CHODL: variants seen among roughly 807,000 people sequenced by gnomAD.
The protein encoded by CHODL is transmembrane protein MT75.
CHODL carries 29 observed loss-of-function variants against 34.5 expected under a neutral mutation model. The ratio of observed to expected loss-of-function variants is 0.84; its 90% CI spans 0.63 to 1.15. CHODL has a LOEUF of 1.15. CHODL is among the 50% of genes most tolerant of loss of function. The pLI is 0.00. For synonymous variants in CHODL, 125 were observed against 116.1 expected, an observed-to-expected ratio of 1.08 and a Z score of -0.49; for missense variants, 332 against 332.5, an observed-to-expected ratio of 1.00 and a Z score of 0.01.
intron 1 of CHODL, among the ~76,000 whole-genome samples, chr21:18,254,479 G>C (rs2074293121): frequency 6.6e-6 from 1 of 152,036 alleles, no homozygotes; most frequent in Non-Finnish European, 1.5e-5. Context: ...AGGGATCCTT[G>C]GCGGTTTTAA....
chr21:18,133,226 T>G (rs1305544317), intron 2 of CHODL, among the ~76,000 whole-genome samples: 2 of 152,188 alleles, frequency 1.3e-5, no homozygotes, highest in African/African-American at 4.8e-5. Flanking sequence ...TCTGGATTCC[T>G]CTGTATTGGT....
chr21:18,263,012 A>C, intron 5 of CHODL, 119 bp downstream of exon 5: 2 of 611,564 alleles, frequency 3.3e-6, no homozygotes, highest in Non-Finnish European at 5.7e-6. Context: ...AATCCTATAC[A>C]TACAATCTAA....
chr21:18,240,717 T>C (rs2074073592), upstream of CHODL, among the ~76,000 whole-genome samples: 1 of 152,188 alleles, frequency 6.6e-6, no homozygotes. Context: ...TTCATTACTT[T>C]AAATTAATAA....
intron 2 of CHODL, among the ~76,000 whole-genome samples, chr21:18,032,235 G>A (rs1300501554): frequency 6.6e-6 from 1 of 151,956 alleles, no homozygotes; most frequent in Non-Finnish European, 1.5e-5. Flanking sequence ...CCAGAAAAAT[G>A]ATAAGTGTAT....
intron 2 of CHODL, among the ~76,000 whole-genome samples, chr21:18,050,483 C>T (rs1450283510): frequency 6.6e-6 from 1 of 151,958 alleles, no homozygotes; most frequent in Non-Finnish European, 1.5e-5. Flanking sequence ...GGCTGTAGTG[C>T]AGGGCAGTAG....
At chr21:17,977,799 T>G (rs202414) in intron 1 of CHODL, among the ~76,000 whole-genome samples, 148,504 of 148,508 alleles carry the variant, frequency 1, 74,250 homozygotes, top group Middle Eastern at 1. Flanking sequence ...GGCACCTGTA[T>G]TCCCAGCTAC....
At chr21:18,083,499 G>A (rs1316376788) in intron 2 of CHODL, among the ~76,000 whole-genome samples, 1 of 152,142 alleles carries the variant, frequency 6.6e-6, no homozygotes, top group Non-Finnish European at 1.5e-5. Context: ...CCAACAGCTT[G>A]CACCATGGGC....
rs911914500 is a variant in CHODL, at chr21:17,985,988, G to T, written c.-144-41884G>T. ...AGCACAAGCCCTCCCACTCATGAGG[G>T]TTCTACCTTCATGACCTAATTATCT... is the stretch of plus-strand genomic sequence containing the variant. On this transcript the variant is annotated intron_variant, in intron 1 of 6. Transcript: ENST00000400127. 3.9e-5 allele frequency among the ~76,000 whole-genome samples: 6 copies of T among 152,100 alleles called. 1 individual carries two copies. The highest frequency in any genetic ancestry group is 1.3e-4 in the Admixed American group (2 of 15,274).
intron 2 of CHODL, among the ~76,000 whole-genome samples, chr21:18,148,044 G>A (rs140077676): frequency 1.3e-5 from 2 of 152,272 alleles, no homozygotes; most frequent in African/African-American, 2.4e-5. Flanking sequence ...CATAAGGAAA[G>A]CAGGTCTTTA....
chr21:17,952,831 C>T (rs543659472), intron 1 of CHODL, among the ~76,000 whole-genome samples: 111 of 152,170 alleles, frequency 7.3e-4, no homozygotes, highest in Admixed American at 1.9e-3. Context: ...CTCTCAGTCC[C>T]GCATGGCTGG....
At chr21:18,172,321 G>A (rs755726332) in intron 2 of CHODL, among the ~76,000 whole-genome samples, 16 of 152,182 alleles carry the variant, frequency 1.1e-4, no homozygotes, top group Non-Finnish European at 1.9e-4. Context: ...CAAGTCCTGT[G>A]AGTGGAGGTT....
At chr21:18,069,417 A>G (rs2064769500) in intron 2 of CHODL, among the ~76,000 whole-genome samples, 1 of 152,128 alleles carries the variant, frequency 6.6e-6, no homozygotes, top group African/African-American at 2.4e-5. Context: ...AGCTTTTAAA[A>G]ATAATTTTCC....
chr21:18,099,099 A>G (rs894253471), intron 2 of CHODL, among the ~76,000 whole-genome samples: 1 of 151,998 alleles, frequency 6.6e-6, no homozygotes, highest in African/African-American at 2.4e-5. Flanking sequence ...GGGTGGAAGG[A>G]CTGTAGGGGT....
intron 2 of CHODL, among the ~76,000 whole-genome samples, chr21:18,174,373 T>A (rs1027860028): frequency 3.3e-5 from 5 of 151,846 alleles, no homozygotes; most frequent in African/African-American, 7.2e-5. Context: ...ATTCGATATC[T>A]ACTAGTTTTC....
At position 18,266,169 on chromosome 21, in the gene CHODL, A is replaced by AAAT. The variant is rs2074459642; in HGVS notation, c.*133_*135dup. On this transcript the variant is annotated 3_prime_UTR_variant, in exon 6 of 6. Coordinates refer to ENST00000299295, the MANE Select transcript of CHODL (RefSeq NM_024944.3). ...TGAACTGTAAGCTCCCCCTTGAGGC[A>AAAT]AATATTAAAGTAATTTTTATATGTC... The AAAT allele has an allele frequency of 1.3e-6, 2 of 1,561,100 alleles. No individual in the cohort carries two copies. Among genetic ancestry groups the AAAT allele is most frequent in the Admixed American group, 1.9e-5 (1 of 52,146 alleles).
At position 17,951,080 on chromosome 21, in the gene CHODL, A is replaced by G. The variant is rs1224343330; in HGVS notation, c.-145+33680A>G. ...TAAGTGTATATATTCTTATATAAGA[A>G]TATGTGTGTGTATATATTACTCTAT... On this transcript the variant is annotated intron_variant, in intron 1 of 6. Transcript: ENST00000400127. 3.4e-5 allele frequency among the ~76,000 whole-genome samples: 5 copies of G among 148,394 alleles called. No individual in the cohort carries two copies. In the Admixed American group the frequency reaches 3.4e-4, roughly 10 times the overall value.
chr21:18,005,973 T>A (rs962016009), intron 1 of CHODL, among the ~76,000 whole-genome samples: 27 of 152,294 alleles, frequency 1.8e-4, no homozygotes, highest in African/African-American at 6.3e-4. Context: ...GGGAAGTGAC[T>A]GAATTATGGG....
intron 2 of CHODL, among the ~76,000 whole-genome samples, chr21:18,041,642 TTAAC>T (rs2064377294): frequency 6.6e-6 from 1 of 151,876 alleles, no homozygotes; most frequent in Non-Finnish European, 1.5e-5. Flanking sequence ...GATAGAAAAT[TTAAC>T]TGAGAACTAT....
At chr21:18,234,362 C>T (rs1449912990) in intron 2 of CHODL, among the ~76,000 whole-genome samples, 1 of 152,030 alleles carries the variant, frequency 6.6e-6, no homozygotes, top group African/African-American at 2.4e-5. Context: ...TTTTCTTGCC[C>T]TCTACTGGCC....
Sources: gnomAD v4.1 joint callset for allele counts (sites outside exome capture counted in the v4.1 genomes callset) on GRCh38, gnomAD v4.1.1 for gene constraint, MANE v1.5 for transcripts, NCBI Gene and HGNC (gene_info 2026-07-23, HGNC 2026-07-21) for gene names.